Variants in SRGAP3 observed in about 807,000 individuals in gnomAD.
SRGAP3 encodes the protein SLIT-ROBO Rho GTPase-activating protein 3.
SRGAP3 carries 39 observed loss-of-function variants against 121.1 expected under a neutral mutation model. The ratio of observed to expected loss-of-function variants is 0.32; its 90% CI spans 0.25 to 0.42. The LOEUF (loss-of-function observed/expected upper bound fraction) is 0.42. SRGAP3 is among the 10% of genes least tolerant of loss of function. The probability of loss-of-function intolerance (pLI) is 1.00; values close to 1 mark genes in which losing one functional copy is unlikely to be tolerated. For synonymous variants in SRGAP3, 601 were observed against 570.0 expected, an observed-to-expected ratio of 1.05 and a Z score of -0.77; for missense variants, 1,213 against 1,470.6, an observed-to-expected ratio of 0.82 and a Z score of 2.86.
intron 9 of SRGAP3, among the ~76,000 whole-genome samples, chr3:9,048,665 A>T (rs1367524678): frequency 6.6e-6 from 1 of 152,100 alleles, no homozygotes; most frequent in East Asian, 1.9e-4. Flanking sequence ...TAAAAAAATA[A>T]GTTTAAAAAA....
intron 1 of SRGAP3, among the ~76,000 whole-genome samples, chr3:9,343,822 T>C (rs771819459): frequency 6.6e-6 from 1 of 152,080 alleles, no homozygotes; most frequent in Non-Finnish European, 1.5e-5. Flanking sequence ...GCGCACAGTA[T>C]CATGCCCAGC....
rs541753223 is a variant in SRGAP3, at chr3:9,228,919, G to A, written c.67+19966C>T. ...CTACTAAAAATACAAAAAATTAGCCGGGCGCGGTGGCGGGCGCCTGTAGTC... is the reference window on the plus strand; with the variant it reads ...CTACTAAAAATACAAAAAATTAGCCAGGCGCGGTGGCGGGCGCCTGTAGTC... On this transcript the variant is annotated intron_variant, in intron 1 of 21. Coordinates refer to ENST00000383836, the MANE Select transcript of SRGAP3 (RefSeq NM_014850.4). Among the ~76,000 whole-genome samples, 22 of 151,684 alleles carry A rather than the reference G, an allele frequency of 1.5e-4. No individual in the cohort carries two copies. In the East Asian group the frequency reaches 3.5e-3, roughly 24 times the overall value.
chr3:9,282,739 C>T (rs1954703542), intron 3 of SRGAP3, among the ~76,000 whole-genome samples: 1 of 152,122 alleles, frequency 6.6e-6, no homozygotes, highest in African/African-American at 2.4e-5. Flanking sequence ...ACCTCAGCCT[C>T]CCAAAGTGCT....
intron 1 of SRGAP3, among the ~76,000 whole-genome samples, chr3:9,151,136 G>T (rs999043625): frequency 1.3e-5 from 2 of 152,208 alleles, no homozygotes; most frequent in Non-Finnish European, 2.9e-5. Flanking sequence ...TGGTGGGGTG[G>T]CAAAGAGATT....
At chr3:9,015,192 C>G (rs113546867) in intron 15 of SRGAP3, among the ~76,000 whole-genome samples, 118 of 149,572 alleles carry the variant, frequency 7.9e-4, no homozygotes, top group African/African-American at 3.0e-3. Flanking sequence ...GGTCTTCCCC[C>G]TTTTGCTCCA....
At chr3:9,143,962 C>T (rs1364408371) in intron 1 of SRGAP3, among the ~76,000 whole-genome samples, 3 of 152,214 alleles carry the variant, frequency 2.0e-5, no homozygotes, top group Admixed American at 1.3e-4. Flanking sequence ...TCCATCTCCA[C>T]TGCCATCATC....
chr3:9,190,455 T>C (rs1274612396), intron 1 of SRGAP3, among the ~76,000 whole-genome samples: 4 of 152,178 alleles, frequency 2.6e-5, no homozygotes, highest in African/African-American at 9.7e-5. Context: ...AGGTCCAGTT[T>C]TGCTCAAAAG....
rs766077507 is a variant in SRGAP3 at position 8,985,816 on chromosome 3, C to A, written c.3003G>T (p.Pro1001=). 1.4e-5 allele frequency: 22 copies of A among 1,600,252 alleles called. No individual in the cohort carries two copies. The highest frequency in any genetic ancestry group is 2.7e-5 in the African/African-American group (2 of 74,844). ...VLDTLEPLKN[P]PGPVSSEPAS... is the part of the protein sequence containing the mutation. The stretch of plus-strand genomic sequence containing the variant: ...CGGGCTCCGAGCTGACGGGGCCTGG[C>A]GGGTTCTTCAGGGGCTCCAGGGTGT... Residue 1001 remains proline, a synonymous_variant, in exon 22 of 22, where the codon CCG becomes CCT. Transcript: ENST00000383836. The surrounding 1 kb of genome is among the most constrained non-coding windows in gnomAD (Gnocchi z 5.1).
chr3:9,314,193 C>T (rs1955303911), intron 3 of SRGAP3, among the ~76,000 whole-genome samples: 1 of 152,066 alleles, frequency 6.6e-6, no homozygotes, highest in Non-Finnish European at 1.5e-5. Context: ...TAAGTAAAGG[C>T]ATGTAGGAGA....
intron 1 of SRGAP3, among the ~76,000 whole-genome samples, chr3:9,149,023 G>T (rs1287860974): frequency 6.6e-6 from 1 of 151,970 alleles, no homozygotes; most frequent in Non-Finnish European, 1.5e-5. Flanking sequence ...AGACGAGCCT[G>T]GCCAACATAG....
intron 1 of SRGAP3, among the ~76,000 whole-genome samples, chr3:9,197,911 A>G (rs775659699): frequency 2.0e-5 from 3 of 152,258 alleles, no homozygotes; most frequent in Non-Finnish European, 2.9e-5. Flanking sequence ...TCCAAAACTT[A>G]TTTGTCAAAT....
At chr3:9,083,384 C>T (rs1947324851) in intron 3 of SRGAP3, among the ~76,000 whole-genome samples, 1 of 152,202 alleles carries the variant, frequency 6.6e-6, no homozygotes, top group South Asian at 2.1e-4. Context: ...GAGGCAACTG[C>T]TACAAAAAAT....
At chr3:9,162,206 A>C (rs1424968680) in intron 1 of SRGAP3, among the ~76,000 whole-genome samples, 1 of 152,160 alleles carries the variant, frequency 6.6e-6, no homozygotes, top group East Asian at 1.9e-4. Context: ...AAAGTTCTGG[A>C]GATGGATGTA....
chr3:9,048,075 TG>T (rs1480076078), intron 9 of SRGAP3, among the ~76,000 whole-genome samples: 1 of 152,204 alleles, frequency 6.6e-6, no homozygotes, highest in Non-Finnish European at 1.5e-5. Flanking sequence ...CACCAGGAAG[TG>T]ATTTGTCCAA....
Position 8,994,477 on chromosome 3 carries a change from C to T in SRGAP3, c.2274G>A (p.Arg758=), listed in dbSNP as rs1308524066. Residue 758 remains arginine (R), a synonymous_variant, in exon 19 of 22, where the codon CGG becomes CGA. Transcript: ENST00000383836. The part of the protein sequence containing the change: ...EAIAKFDYMG[R]SPRELSFKKG... Reference sequence around the variant, plus strand: ...TCTTGAAGGATAGCTCACGCGGGGACCGCCCCATGTAGTCAAACTTGGCAA... The same window carrying T: ...TCTTGAAGGATAGCTCACGCGGGGATCGCCCCATGTAGTCAAACTTGGCAA... 1 of 1,614,082 alleles carries T rather than the reference C, an allele frequency of 6.2e-7. No homozygotes were observed. Among genetic ancestry groups the T allele is most frequent in the Admixed American group, 1.7e-5 (1 of 60,012 alleles).
chr3:9,158,786 A>G (rs562471652), intron 1 of SRGAP3, among the ~76,000 whole-genome samples: 70 of 152,252 alleles, frequency 4.6e-4, no homozygotes, highest in Non-Finnish European at 8.2e-4. Context: ...GGGACTCAAC[A>G]CTACAAATCC....
At chr3:9,095,543 G>T (rs1947933056) in intron 3 of SRGAP3, among the ~76,000 whole-genome samples, 1 of 152,134 alleles carries the variant, frequency 6.6e-6, no homozygotes, top group Admixed American at 6.5e-5. Context: ...CAAATAATAA[G>T]AAAAGGACAA....
intron 14 of SRGAP3, 189 bp from the exon 15 acceptor site, chr3:9,015,920 TA>T (rs1943615585): frequency 1.6e-6 from 1 of 633,008 alleles, no homozygotes. Context: ...TGAAAATGTT[TA>T]AATCTATAGA....
At chr3:9,360,444 T>A (rs1178789183) in intron 1 of SRGAP3, among the ~76,000 whole-genome samples, 1 of 152,152 alleles carries the variant, frequency 6.6e-6, no homozygotes, top group Non-Finnish European at 1.5e-5. Flanking sequence ...TGTAGTGGAA[T>A]TGGTGAGTAA....
Sources: gnomAD v4.1 joint callset for allele counts (sites outside exome capture counted in the v4.1 genomes callset) on GRCh38, gnomAD v4.1.1 for gene constraint, Gnocchi (gnomAD v3.1) non-coding constraint, MANE v1.5 for transcripts, NCBI Gene and HGNC (gene_info 2026-07-23, HGNC 2026-07-21) for gene names.